The following TSHZ3 variants were observed in gnomAD, a reference collection of about 807,000 sequenced individuals.
TSHZ3 encodes the protein teashirt zinc finger homeobox 3.
A neutral mutation model predicts 64.5 loss-of-function variants in TSHZ3; 10 were observed. That is an observed-to-expected ratio of 0.16 (90% CI 0.10 to 0.26). The LOEUF (loss-of-function observed/expected upper bound fraction) is 0.26, where lower values mean the gene tolerates loss of function less well. Among genes scored for constraint, TSHZ3 ranks in the 10% least tolerant of loss-of-function variants. The probability of loss-of-function intolerance (pLI) is 1.00; values close to 1 mark genes in which losing one functional copy is unlikely to be tolerated. For missense variants in TSHZ3, 1,242 were observed against 1,421.7 expected (o/e 0.87, Z 2.03); for synonymous variants, 608 against 593.1 (o/e 1.03, Z -0.36).
chr19:31,225,449 A>G (rs1294142135), intron 4 of TSHZ3, among the ~76,000 whole-genome samples: 1 of 152,024 alleles, frequency 6.6e-6, no homozygotes, highest in African/African-American at 2.4e-5. Flanking sequence ...TCGTTCACCA[A>G]CCCTTTTACC....
chr19:31,179,799 A>T (rs1186703810), intron 5 of TSHZ3, among the ~76,000 whole-genome samples: 1 of 144,382 alleles, frequency 6.9e-6, no homozygotes, highest in Admixed American at 6.8e-5. Flanking sequence ...TGGTGGTGGT[A>T]ACAATGATGA....
intron 1 of TSHZ3, among the ~76,000 whole-genome samples, chr19:31,259,552 G>C (rs1343050294): frequency 6.6e-6 from 1 of 151,956 alleles, no homozygotes; most frequent in Non-Finnish European, 1.5e-5. Context: ...CTGTGGTCCT[G>C]GGTGCAGAGG....
intron 1 of TSHZ3, among the ~76,000 whole-genome samples, chr19:31,348,324 G>A (rs1047459751): frequency 3.9e-5 from 6 of 152,018 alleles, no homozygotes; most frequent in Non-Finnish European, 7.4e-5. Flanking sequence ...CTTCTTCCAG[G>A]CAACATGCCC....
chr19:31,175,252 C>T (rs1483870812), intron 5 of TSHZ3, among the ~76,000 whole-genome samples: 2 of 151,980 alleles, frequency 1.3e-5, no homozygotes, highest in Non-Finnish European at 2.9e-5. Context: ...TTCCTGTTGG[C>T]ACATACGGCT....
At chr19:31,162,402 G>A (rs905610618) in intron 5 of TSHZ3, among the ~76,000 whole-genome samples, 1 of 152,022 alleles carries the variant, frequency 6.6e-6, no homozygotes, top group Non-Finnish European at 1.5e-5. Flanking sequence ...TAATTTATGT[G>A]AGTCTTGCAA....
intron 1 of TSHZ3, among the ~76,000 whole-genome samples, chr19:31,255,992 G>C (rs1041933591): frequency 2.0e-5 from 3 of 152,120 alleles, no homozygotes; most frequent in Non-Finnish European, 4.4e-5. Context: ...GAAGCGGAGG[G>C]GTGTGGGGTG....
intron 1 of TSHZ3, among the ~76,000 whole-genome samples, chr19:31,300,923 G>A (rs1458015959): frequency 6.6e-6 from 1 of 152,090 alleles, no homozygotes; most frequent in East Asian, 1.9e-4. Context: ...GAGGAGTTCT[G>A]TCAAAATGTA....
At chr19:31,195,928 A>G (rs554846049) in intron 5 of TSHZ3, among the ~76,000 whole-genome samples, 36 of 152,112 alleles carry the variant, frequency 2.4e-4, no homozygotes, top group Admixed American at 1.9e-3. Context: ...TGAACATCAT[A>G]GTGTGTACTT....
chr19:31,226,808 A>G (rs1261166738), intron 4 of TSHZ3, among the ~76,000 whole-genome samples: 1 of 152,062 alleles, frequency 6.6e-6, no homozygotes, highest in Non-Finnish European at 1.5e-5. Context: ...TTCAGACTCA[A>G]AAACATCTTA....
At chr19:31,185,165 C>A (rs1354765847) in intron 5 of TSHZ3, among the ~76,000 whole-genome samples, 2 of 152,136 alleles carry the variant, frequency 1.3e-5, no homozygotes, top group African/African-American at 4.8e-5. Context: ...CTCTCCCTTC[C>A]CTTCCGCCAG....
intron 1 of TSHZ3, among the ~76,000 whole-genome samples, chr19:31,267,670 A>G (rs1243721126): frequency 6.6e-6 from 1 of 151,874 alleles, no homozygotes; most frequent in Non-Finnish European, 1.5e-5. Flanking sequence ...TGGACTTCAG[A>G]AGCTTTTTGT....
At chr19:31,346,688 A>C (rs1917601363) in intron 1 of TSHZ3, among the ~76,000 whole-genome samples, 1 of 152,048 alleles carries the variant, frequency 6.6e-6, no homozygotes, top group Admixed American at 6.6e-5. Context: ...CATCACTCCC[A>C]GTATGCCACA....
chr19:31,233,666 T>C (rs924910412), intron 3 of TSHZ3, among the ~76,000 whole-genome samples: 1 of 152,148 alleles, frequency 6.6e-6, no homozygotes, highest in Non-Finnish European at 1.5e-5. Flanking sequence ...ACCCCTAAAT[T>C]GCAGTTTTTC....
At position 31,278,400 on chromosome 19, in the gene TSHZ3, T is replaced by C. The variant is rs1339748317; in HGVS notation, c.1393A>G (p.Lys465Glu). 1.2e-6 allele frequency: 2 copies of C among 1,614,134 alleles called. No homozygotes were observed. Among genetic ancestry groups the C allele is most frequent in the Non-Finnish European group, 1.7e-6 (2 of 1,180,028 alleles). The change falls in exon 2 of 2, where the codon AAA becomes GAA. Residue 465 changes from lysine to glutamate, a missense_variant. Transcript: ENST00000240587. The surrounding 1 kb of genome is among the most constrained non-coding windows in gnomAD (Gnocchi z 4.7). ...TCCTTCTTGACCTCCACATTCAGTTTTGGGGAGATGCTGGCAGGTGTATTG... is the reference window on the plus strand; with the variant it reads ...TCCTTCTTGACCTCCACATTCAGTTCTGGGGAGATGCTGGCAGGTGTATTG... ...PSNTPASISP[K>E]LNVEVKKEVD... is the part of the protein sequence containing the mutation.
At chr19:31,188,377 T>G (rs891300558) in intron 5 of TSHZ3, among the ~76,000 whole-genome samples, 1 of 151,954 alleles carries the variant, frequency 6.6e-6, no homozygotes, top group Non-Finnish European at 1.5e-5. Context: ...TTTTTCTGCC[T>G]ATTGTACTGG....
At chr19:31,259,995 C>T (rs1049761594) in intron 1 of TSHZ3, among the ~76,000 whole-genome samples, 17 of 152,144 alleles carry the variant, frequency 1.1e-4, no homozygotes, top group Admixed American at 6.5e-4. Flanking sequence ...GACTTTTCAT[C>T]ACTAGAACAA....
intron 1 of TSHZ3, among the ~76,000 whole-genome samples, chr19:31,305,255 TC>T (rs1399252919): frequency 4.0e-5 from 6 of 151,482 alleles, no homozygotes; most frequent in Admixed American, 3.9e-4. Flanking sequence ...TTCTGTTAAA[TC>T]ACCTCTGAAC....
At chr19:31,318,580 C>A (rs1051264063) in intron 1 of TSHZ3, among the ~76,000 whole-genome samples, 1 of 152,124 alleles carries the variant, frequency 6.6e-6, no homozygotes, top group Non-Finnish European at 1.5e-5. Context: ...AAATTAGTCA[C>A]TTCTGGAACA....
At chr19:31,183,652 G>C (rs1568340151) in intron 5 of TSHZ3, among the ~76,000 whole-genome samples, 1 of 152,148 alleles carries the variant, frequency 6.6e-6, no homozygotes, top group African/African-American at 2.4e-5. Context: ...AAGGCGTCTT[G>C]ATCCATGGGT....
Sources: gnomAD v4.1 joint callset for allele counts (sites outside exome capture counted in the v4.1 genomes callset) on GRCh38, gnomAD v4.1.1 for gene constraint, Gnocchi (gnomAD v3.1) non-coding constraint, MANE v1.5 for transcripts, NCBI Gene and HGNC (gene_info 2026-07-23, HGNC 2026-07-21) for gene names.